Variants in IL34 observed in about 807,000 individuals in gnomAD.
IL34 encodes the protein interleukin-34.
IL34 carries 17 observed loss-of-function variants against 25.3 expected under a neutral mutation model. The observed-to-expected ratio is 0.67, with a 90% CI of 0.46 to 1.01. The LOEUF is 1.01. Ranked by LOEUF, IL34 falls within the 50% of genes least tolerant of loss-of-function variation. IL34 has a pLI of 0.00. For synonymous variants in IL34, 174 were observed against 140.9 expected, an observed-to-expected ratio of 1.23 and a Z score of -1.66; for missense variants, 368 against 312.9, an observed-to-expected ratio of 1.18 and a Z score of -1.33.
intron 1 of IL34, among the ~76,000 whole-genome samples, chr16:70,619,231 A>G (rs1259042887): frequency 3.3e-5 from 5 of 152,082 alleles, no homozygotes; most frequent in Admixed American, 2.0e-4. Context: ...TGAGTGGGGT[A>G]AGGGTGATTA....
intron 1 of IL34, among the ~76,000 whole-genome samples, chr16:70,604,962 CAG>C (rs1057224342): frequency 6.6e-6 from 1 of 151,924 alleles, no homozygotes; most frequent in African/African-American, 2.4e-5. Flanking sequence ...CTGTGTGTGT[CAG>C]GGGTGGTTCT....
At chr16:70,606,259 G>A (rs527291118) in intron 1 of IL34, among the ~76,000 whole-genome samples, 2 of 151,776 alleles carry the variant, frequency 1.3e-5, no homozygotes, top group Admixed American at 6.6e-5. Context: ...TTAGCCAGGC[G>A]TGGTGGTGGG....
At chr16:70,605,780 C>T (rs566366226) in intron 1 of IL34, among the ~76,000 whole-genome samples, 1 of 152,074 alleles carries the variant, frequency 6.6e-6, no homozygotes, top group Non-Finnish European at 1.5e-5. Context: ...AAGCGATTTT[C>T]CTGCCTCAGC....
chr16:70,621,742 T>A, intron 1 of IL34, among the ~76,000 whole-genome samples: 1 of 152,026 alleles, frequency 6.6e-6, no homozygotes, highest in Non-Finnish European at 1.5e-5. Context: ...GGGGCCGTTT[T>A]ATAGGATTTG....
chr16:70,607,642 G>A (rs1023014908), intron 1 of IL34, among the ~76,000 whole-genome samples: 2 of 152,124 alleles, frequency 1.3e-5, no homozygotes, highest in Non-Finnish European at 2.9e-5. Context: ...CCCTTTTCAG[G>A]TTAAGGAAGT....
chr16:70,621,434 G>A (rs2051279928), intron 1 of IL34, among the ~76,000 whole-genome samples: 2 of 151,762 alleles, frequency 1.3e-5, no homozygotes, highest in South Asian at 4.2e-4. Context: ...CAGTGAGAGA[G>A]GTTGGAGAAG....
chr16:70,599,308 CTTTCTTTCT>C (rs1176859093), intron 1 of IL34, among the ~76,000 whole-genome samples: 3 of 144,076 alleles, frequency 2.1e-5, no homozygotes, highest in Non-Finnish European at 4.5e-5. Context: ...TTCTTTCCTT[CTTTCTTTCT>C]TTTCTTTCTT....
intron 1 of IL34, among the ~76,000 whole-genome samples, chr16:70,615,506 AAAATAAATAAAT>A (rs563697592): frequency 5.9e-5 from 9 of 152,022 alleles, no homozygotes; most frequent in South Asian, 2.1e-4. Context: ...ACTCCGTCTC[AAAATAAATAAAT>A]AAATAAATAA....
Position 70,655,577 on chromosome 16 carries a change from A to G in IL34, c.162+906A>G, listed in dbSNP as rs544495981. ...TAATTAAAACTTTTTTTTTGAGTAG[A>G]GACAGGGGTTCACCATGTTGCCCAG... is the stretch of plus-strand genomic sequence containing the variant. On this transcript the variant is annotated intron_variant, in intron 2 of 5. Coordinates refer to ENST00000288098, the MANE Select transcript of IL34 (RefSeq NM_001393494.1). 2.0e-3 allele frequency among the ~76,000 whole-genome samples: 297 copies of G among 151,952 alleles called. 3 individuals carry two copies. Among genetic ancestry groups the G allele is most frequent in the African/African-American group, 6.8e-3 (283 of 41,426 alleles).
At chr16:70,648,133 G>T (rs2051986447) in intron 1 of IL34, among the ~76,000 whole-genome samples, 1 of 152,224 alleles carries the variant, frequency 6.6e-6, no homozygotes, top group South Asian at 2.1e-4. Flanking sequence ...TGAGAGCCCG[G>T]CGGGGGTGGA....
rs760215957 is a variant in IL34 at position 70,657,441 on chromosome 16, A to AG, written c.402+322dup. The stretch of plus-strand genomic sequence containing the variant: ...TGTTTCTGCAACACGAGGGTCCTGG[A>AG]GGTGGGGTAGGGGGAGAGGGGAAGA... On this transcript the variant is annotated intron_variant, in intron 4 of 5. Coordinates refer to ENST00000288098, the MANE Select transcript of IL34 (RefSeq NM_001393494.1). 2.5e-4 allele frequency: 69 copies of AG among 279,752 alleles called. 1 individual carries two copies. The highest frequency in any genetic ancestry group is 1.4e-3 in the African/African-American group (63 of 45,888). 17.3% of individuals were successfully genotyped at this position (279,752 alleles called of 1,614,324 possible). A position where few individuals can be genotyped will look rare whatever the true frequency, so the allele number is the denominator to read the frequency against.
chr16:70,655,456 C>A (rs1001776619), intron 2 of IL34, among the ~76,000 whole-genome samples: 4 of 150,272 alleles, frequency 2.7e-5, no homozygotes, highest in African/African-American at 9.8e-5. Flanking sequence ...TGGATAATTT[C>A]AGCTCACTGC....
At chr16:70,585,856 C>A (rs1196001833) in intron 1 of IL34, among the ~76,000 whole-genome samples, 2 of 124,528 alleles carry the variant, frequency 1.6e-5, no homozygotes, top group African/African-American at 3.2e-5. Context: ...TTTTTTGAGA[C>A]CGAGTCTCAC....
intron 1 of IL34, among the ~76,000 whole-genome samples, chr16:70,605,842 TTG>T (rs1389357469): frequency 6.6e-6 from 1 of 151,926 alleles, no homozygotes; most frequent in Non-Finnish European, 1.5e-5. Context: ...ACCTAATTTT[TTG>T]TGTTTTTAGT....
At chr16:70,617,186 A>C (rs2051186122) in intron 1 of IL34, among the ~76,000 whole-genome samples, 1 of 152,172 alleles carries the variant, frequency 6.6e-6, no homozygotes. Flanking sequence ...TATGAATTGA[A>C]AAACTAAATG....
chr16:70,619,020 G>A (rs919781176), intron 1 of IL34, among the ~76,000 whole-genome samples: 9 of 152,136 alleles, frequency 5.9e-5, no homozygotes, highest in African/African-American at 1.9e-4. Context: ...TATGGGTTTG[G>A]CACCACGGGG....
At chr16:70,647,803 T>C (rs1191128882) in intron 1 of IL34, among the ~76,000 whole-genome samples, 4 of 152,154 alleles carry the variant, frequency 2.6e-5, no homozygotes, top group Non-Finnish European at 2.9e-5. Context: ...TGTGGAAATA[T>C]ACAACAAAGG....
intron 1 of IL34, among the ~76,000 whole-genome samples, chr16:70,620,377 G>C (rs1309067304): frequency 6.6e-6 from 1 of 152,096 alleles, no homozygotes; most frequent in Non-Finnish European, 1.5e-5. Flanking sequence ...AGAGTGAATT[G>C]CTGGGCAGGT....
At chr16:70,617,420 T>C (rs1335576799) in intron 1 of IL34, among the ~76,000 whole-genome samples, 1 of 152,130 alleles carries the variant, frequency 6.6e-6, no homozygotes, top group Non-Finnish European at 1.5e-5. Context: ...GAGCAGGGCA[T>C]GTATGAGTAG....
Sources: gnomAD v4.1 joint callset for allele counts (sites outside exome capture counted in the v4.1 genomes callset) on GRCh38, gnomAD v4.1.1 for gene constraint, MANE v1.5 for transcripts, NCBI Gene and HGNC (gene_info 2026-07-23, HGNC 2026-07-21) for gene names.